GSX1: variants seen among roughly 807,000 people sequenced by gnomAD.
The protein encoded by GSX1 is GS homeo box protein 1.
Under a neutral mutation model 17.7 loss-of-function variants are expected in GSX1, and 13 were observed. That is an observed-to-expected ratio of 0.74 (90% CI 0.48 to 1.17). The LOEUF (loss-of-function observed/expected upper bound fraction) is 1.17, where lower values mean the gene tolerates loss of function less well. Ranked by LOEUF, GSX1 falls within the 50% of genes most tolerant of loss-of-function variation. GSX1 has a pLI of 0.00. For synonymous variants in GSX1, 202 were observed against 176.2 expected, an observed-to-expected ratio of 1.15 and a Z score of -1.16; for missense variants, 371 against 372.1, an observed-to-expected ratio of 1.00 and a Z score of 0.02.
chr13:27,794,271 G>C lies in GSX1; in HGVS notation c.*323G>C. On this transcript the variant is annotated 3_prime_UTR_variant, in exon 2 of 2. Transcript: ENST00000302945. Reference sequence around the variant, plus strand: ...GCGCAGCGCCTTGCTGGCAGCCGGCGCCTCCTAGCCCGCCCTCTCTGGGCT... The same window carrying C: ...GCGCAGCGCCTTGCTGGCAGCCGGCCCCTCCTAGCCCGCCCTCTCTGGGCT... The C allele has an allele frequency of 3.7e-6, 1 of 271,292 alleles. No homozygotes were observed. Among genetic ancestry groups the C allele is most frequent in the East Asian group, 6.6e-5 (1 of 15,116 alleles). The allele number at this position is 271,292 out of a possible 1,614,324, so 16.8% of individuals were successfully genotyped here.
Position 27,794,130 on chromosome 13 carries a change from C to T in GSX1, c.*182C>T, listed in dbSNP as rs1957085697. On this transcript the variant is annotated 3_prime_UTR_variant, in exon 2 of 2. Coordinates refer to ENST00000302945, the MANE Select transcript of GSX1 (RefSeq NM_145657.3). ...GAGCTTGGCAGAGACTGGACCATGGCGTCCCCGCCCCAGGGCTCGCTCGTG... is the reference window on the plus strand; with the variant it reads ...GAGCTTGGCAGAGACTGGACCATGGTGTCCCCGCCCCAGGGCTCGCTCGTG... 1 of 654,978 alleles carries T rather than the reference C, an allele frequency of 1.5e-6. No individual in the cohort carries two copies. The highest frequency in any genetic ancestry group is 2.5e-6 in the Non-Finnish European group (1 of 403,570). 40.6% of individuals were successfully genotyped at this position (654,978 alleles called of 1,614,324 possible).
In GSX1 at chr13:27,793,680, G is replaced by A. The variant is rs764243041; in HGVS notation, c.527G>A (p.Arg176His). 6.2e-7 allele frequency: 1 copy of A among 1,614,194 alleles called. No homozygotes were observed. The highest frequency in any genetic ancestry group is 8.5e-7 in the Non-Finnish European group (1 of 1,180,032). The change falls in exon 2 of 2, where the codon CGT becomes CAT. Residue 176 changes from arginine (R) to histidine (H), a missense_variant. Arg to His is a conservative substitution (Grantham distance 29). Transcript: ENST00000302945. The surrounding 1 kb of genome is among the most constrained non-coding windows in gnomAD (Gnocchi z 6.2). ...FASNMYLSRL[R>H]RIEIATYLNL... ...TCTAATATGTACCTGTCCCGCCTAC[G>A]TCGCATCGAGATCGCGACCTACCTG... is the stretch of plus-strand genomic sequence containing the variant.
At position 27,793,136 on chromosome 13, in the gene GSX1, G is replaced by GACC. The variant is rs1371286951; in HGVS notation, c.412+35_412+36insCCA. 6.7e-7 allele frequency: 1 copy of GACC among 1,483,766 alleles called. No individual in the cohort carries two copies. 91.9% of individuals were successfully genotyped at this position (1,483,766 alleles called of 1,614,324 possible). A position where few individuals can be genotyped will look rare whatever the true frequency, so the allele number is the denominator to read the frequency against. ...GGCCGCCGCGCAGAGGGACCGGGCAGAGGTGATCCGAAGCAGGATGGAGAG... is the reference window on the plus strand; with the variant it reads ...GGCCGCCGCGCAGAGGGACCGGGCAGACCAGGTGATCCGAAGCAGGATGGAGAG... On this transcript the variant is annotated intron_variant, in intron 1 of 1. Transcript: ENST00000302945. This position sits in a 1 kb window ranked among gnomAD's most constrained non-coding sequence, Gnocchi z 6.2.
chr13:27,794,140 C>T lies in GSX1; in HGVS notation c.*192C>T, dbSNP rs1340266520. ...GAGACTGGACCATGGCGTCCCCGCC[C>T]CAGGGCTCGCTCGTGTCCAAAGCCA... On this transcript the variant is annotated 3_prime_UTR_variant, in exon 2 of 2. Coordinates refer to ENST00000302945, the MANE Select transcript of GSX1 (RefSeq NM_145657.3). 1 of 626,828 alleles carries T rather than the reference C, an allele frequency of 1.6e-6. No individual in the cohort carries two copies. Among genetic ancestry groups the T allele is most frequent in the Non-Finnish European group, 2.6e-6 (1 of 378,510 alleles). 38.8% of individuals were successfully genotyped at this position (626,828 alleles called of 1,614,324 possible).
Position 27,793,506 on chromosome 13 carries a change from A to G in GSX1, c.413-60A>G. On this transcript the variant is annotated intron_variant, in intron 1 of 1. Transcript: ENST00000302945. This position sits in a 1 kb window ranked among gnomAD's most constrained non-coding sequence, Gnocchi z 6.2. ...GTAGGATTCTGGCGACCGCCTACCA[A>G]GGGATTGGGTCCACAGCACAGAGGT... is the stretch of plus-strand genomic sequence containing the variant. The G allele has an allele frequency of 6.6e-7, 1 of 1,522,732 alleles. No homozygotes were observed. The highest frequency in any genetic ancestry group is 1.8e-4 in the Middle Eastern group (1 of 5,656). The allele number at this position is 1,522,732 out of a possible 1,614,324, so 94.3% of individuals were successfully genotyped here.
At position 27,793,132 on chromosome 13, in the gene GSX1, G is replaced by A; in HGVS notation, c.412+30G>A. ...GCGGGGCCGCCGCGCAGAGGGACCGGGCAGAGGTGATCCGAAGCAGGATGG... is the reference window on the plus strand; with the variant it reads ...GCGGGGCCGCCGCGCAGAGGGACCGAGCAGAGGTGATCCGAAGCAGGATGG... On this transcript the variant is annotated intron_variant, in intron 1 of 1. Coordinates refer to ENST00000302945, the MANE Select transcript of GSX1 (RefSeq NM_145657.3). The surrounding 1 kb of genome is among the most constrained non-coding windows in gnomAD (Gnocchi z 6.2). 2 of 1,495,650 alleles carry A rather than the reference G, an allele frequency of 1.3e-6. No individual in the cohort carries two copies. The highest frequency in any genetic ancestry group is 1.3e-5 in the South Asian group (1 of 75,190). The allele number at this position is 1,495,650 out of a possible 1,614,324, so 92.6% of individuals were successfully genotyped here.
Position 27,792,776 on chromosome 13 carries a change from T to C in GSX1, c.86T>C (p.Phe29Ser). ...KAPEGSPPPLFPYAVPPPHAL... is the reference protein window; with the variant it reads ...KAPEGSPPPLSPYAVPPPHAL... The stretch of plus-strand genomic sequence containing the variant: ...CCCGAGGGCAGCCCGCCGCCGCTCT[T>C]CCCCTACGCTGTGCCCCCGCCGCAC... Residue 29 changes from phenylalanine to serine, a missense_variant, in exon 1 of 2, where the codon TTC becomes TCC. Transcript: ENST00000302945. 6.7e-7 allele frequency: 1 copy of C among 1,491,904 alleles called. No homozygotes were observed. The allele number at this position is 1,491,904 out of a possible 1,614,324, so 92.4% of individuals were successfully genotyped here.
rs1218921768 is a variant in GSX1 at position 27,794,280 on chromosome 13, C to T, written c.*332C>T. On this transcript the variant is annotated 3_prime_UTR_variant, in exon 2 of 2. Transcript: ENST00000302945. ...CTTGCTGGCAGCCGGCGCCTCCTAG[C>T]CCGCCCTCTCTGGGCTGGCTTGGGC... is the stretch of plus-strand genomic sequence containing the variant. 1.2e-5 allele frequency: 3 copies of T among 257,306 alleles called. No individual in the cohort carries two copies. Among genetic ancestry groups the T allele is most frequent in the Non-Finnish European group, 2.2e-5 (3 of 136,612 alleles). 15.9% of individuals were successfully genotyped at this position (257,306 alleles called of 1,614,324 possible).
chr13:27,792,789 GC>G lies in GSX1; in HGVS notation c.104del (p.Pro35ArgfsTer126). 1.3e-6 allele frequency: 2 copies of G among 1,500,394 alleles called. No individual in the cohort carries two copies. Among genetic ancestry groups the G allele is most frequent in the East Asian group, 2.7e-5 (1 of 36,462 alleles). The allele number at this position is 1,500,394 out of a possible 1,614,324, so 92.9% of individuals were successfully genotyped here. A position where few individuals can be genotyped will look rare whatever the true frequency, so the allele number is the denominator to read the frequency against. On this transcript the variant is annotated frameshift_variant, in exon 1 of 2. Transcript: ENST00000302945. LOFTEE classifies it high-confidence loss of function. ...CGCCGCCGCTCTTCCCCTACGCTGT[GC>G]CCCCGCCGCACGCGCTGCACGGTCT... ...SPPPLFPYAVPPPHALHGLSP... is the reference protein window; with the variant it reads ...SPPPLFPYAVXPPHALHGLSP...
Position 27,793,153 on chromosome 13 carries a change from G to A in GSX1, c.412+51G>A, listed in dbSNP as rs747071503. On this transcript the variant is annotated intron_variant, in intron 1 of 1. Transcript: ENST00000302945. The surrounding 1 kb of genome is among the most constrained non-coding windows in gnomAD (Gnocchi z 6.2). ...ACCGGGCAGAGGTGATCCGAAGCAG[G>A]ATGGAGAGCCAGAGATGGAGGAAGA... The A allele has an allele frequency of 6.9e-7, 1 of 1,447,522 alleles. No individual in the cohort carries two copies. Among genetic ancestry groups the A allele is most frequent in the Middle Eastern group, 1.9e-4 (1 of 5,228 alleles). 89.7% of individuals were successfully genotyped at this position (1,447,522 alleles called of 1,614,324 possible).
Position 27,792,515 on chromosome 13 carries a change from T to A in GSX1, c.-176T>A. 1 of 560,730 alleles carries A rather than the reference T, an allele frequency of 1.8e-6. No homozygotes were observed. Among genetic ancestry groups the A allele is most frequent in the Non-Finnish European group, 2.8e-6 (1 of 356,356 alleles). 34.7% of individuals were successfully genotyped at this position (560,730 alleles called of 1,614,324 possible). ...GCGCTGGCCAGCACCCCGCGCTCTT[T>A]GGGCGGTGCCCACGGCAGCAGAGGC... On this transcript the variant is annotated 5_prime_UTR_variant, in exon 1 of 2. Coordinates refer to ENST00000302945, the MANE Select transcript of GSX1 (RefSeq NM_145657.3).
rs750984675 is a variant in GSX1 at position 27,793,019 on chromosome 13, C to G, written c.329C>G (p.Pro110Arg). 6.3e-7 allele frequency: 1 copy of G among 1,579,276 alleles called. No homozygotes were observed. The highest frequency in any genetic ancestry group is 8.5e-7 in the Non-Finnish European group (1 of 1,170,510). Residue 110 changes from proline to arginine, a missense_variant, in exon 1 of 2, where the codon CCG (proline) becomes CGG (arginine). Physicochemically the swap from Pro to Arg is moderately radical, Grantham distance 103. Transcript: ENST00000302945. The surrounding 1 kb of genome is among the most constrained non-coding windows in gnomAD (Gnocchi z 6.2). ...GTGTCGCCCGGGGTCGCTCACGGCC[C>G]GGCCGCCGCTGCTGCTGCCGCCGCG... ...SAVSPGVAHG[P>R]AAAAAAAALY...
At position 27,793,200 on chromosome 13, in the gene GSX1, G is replaced by T. The variant is rs563634463; in HGVS notation, c.412+98G>T. 1 of 1,313,214 alleles carries T rather than the reference G, an allele frequency of 7.6e-7. No homozygotes were observed. Among genetic ancestry groups the T allele is most frequent in the Non-Finnish European group, 1.0e-6 (1 of 993,206 alleles). 81.3% of individuals were successfully genotyped at this position (1,313,214 alleles called of 1,614,324 possible). ...AAGAGGGACCCTGGGCTTTCTGGGG[G>T]CGGTGAGGGTCATGTCGGGGACTAA... On this transcript the variant is annotated intron_variant, in intron 1 of 1. Transcript: ENST00000302945. The surrounding 1 kb of genome is among the most constrained non-coding windows in gnomAD (Gnocchi z 6.2).
Position 27,792,839 on chromosome 13 carries a change from G to A in GSX1, c.149G>A (p.Arg50His), listed in dbSNP as rs1162980689. 6.6e-7 allele frequency: 1 copy of A among 1,508,460 alleles called. No homozygotes were observed. Among genetic ancestry groups the A allele is most frequent in the Non-Finnish European group, 8.8e-7 (1 of 1,136,000 alleles). The allele number at this position is 1,508,460 out of a possible 1,614,324, so 93.4% of individuals were successfully genotyped here. Residue 50 changes from arginine (R) to histidine (H), a missense_variant, in exon 1 of 2, where the codon CGC becomes CAC. This residue lies in a region of GSX1 where 212 missense variants were observed against 193.9 expected (regional missense o/e 1.09). Coordinates refer to ENST00000302945, the MANE Select transcript of GSX1 (RefSeq NM_145657.3). ...HGLSPGACHA[R>H]KAGLLCVCPL... is the part of the protein sequence containing the mutation. ...CTCTCGCCTGGCGCCTGCCACGCGCGCAAGGCTGGGCTGCTGTGCGTGTGC... is the reference window on the plus strand; with the variant it reads ...CTCTCGCCTGGCGCCTGCCACGCGCACAAGGCTGGGCTGCTGTGCGTGTGC...
chr13:27,792,746 A>G lies in GSX1; in HGVS notation c.56A>G (p.Lys19Arg). ...SLVLREAGEK[K>R]APEGSPPPLF... ...GTGCTGCGCGAGGCGGGCGAGAAGA[A>G]GGCGCCCGAGGGCAGCCCGCCGCCG... The change falls in exon 1 of 2, where the codon AAG (lysine) becomes AGG (arginine). Residue 19 changes from lysine to arginine, a missense_variant. By Grantham distance (26) the Lys-to-Arg change is conservative. Coordinates refer to ENST00000302945, the MANE Select transcript of GSX1 (RefSeq NM_145657.3). 1 of 1,482,984 alleles carries G rather than the reference A, an allele frequency of 6.7e-7. No homozygotes were observed. The highest frequency in any genetic ancestry group is 8.9e-7 in the Non-Finnish European group (1 of 1,125,266). 91.9% of individuals were successfully genotyped at this position (1,482,984 alleles called of 1,614,324 possible).
Position 27,794,607 on chromosome 13 carries a change from A to T in GSX1, c.*659A>T, listed in dbSNP as rs908514266. 2.0e-5 allele frequency: 3 copies of T among 151,450 alleles called. No individual in the cohort carries two copies. Among genetic ancestry groups the T allele is most frequent in the African/African-American group, 7.3e-5 (3 of 41,146 alleles). The allele number at this position is 151,450 out of a possible 1,614,324, so 9.4% of individuals were successfully genotyped here. ...ACAGATGATAAATTTCGCCCGTAGT[A>T]TCCATATTGGGGAAACAGATTTGCT... On this transcript the variant is annotated 3_prime_UTR_variant, in exon 2 of 2. Transcript: ENST00000302945.
In GSX1 at chr13:27,793,604, C is replaced by G; in HGVS notation, c.451C>G (p.Arg151Gly). The G allele has an allele frequency of 6.2e-7, 1 of 1,613,726 alleles. No homozygotes were observed. Among genetic ancestry groups the G allele is most frequent in the Non-Finnish European group, 8.5e-7 (1 of 1,179,932 alleles). The stretch of plus-strand genomic sequence containing the variant: ...CCAGCTGCCCAGCAGCAAGAGGATG[C>G]GCACGGCTTTCACCAGCACGCAGCT... Reference protein sequence around the residue: ...SNQLPSSKRMRTAFTSTQLLE... With the variant: ...SNQLPSSKRMGTAFTSTQLLE... The change falls in exon 2 of 2, where the codon CGC (arginine) becomes GGC (glycine). Residue 151 changes from arginine (R) to glycine (G), a missense_variant. By Grantham distance (125) the Arg-to-Gly change is moderately radical (BLOSUM62 -2). This residue lies in a region of GSX1 where 67 missense variants were observed against 108.1 expected (regional missense o/e 0.62). Transcript: ENST00000302945. The surrounding 1 kb of genome is among the most constrained non-coding windows in gnomAD (Gnocchi z 6.2).
chr13:27,794,233 G>T lies in GSX1; in HGVS notation c.*285G>T, dbSNP rs1331446178. On this transcript the variant is annotated 3_prime_UTR_variant, in exon 2 of 2. Coordinates refer to ENST00000302945, the MANE Select transcript of GSX1 (RefSeq NM_145657.3). ...CAGTGCAGCACCGCGGCCCCCGCCC[G>T]CAAGCCTGCTTGGCGCAGCGCCTTG... 6 of 337,282 alleles carry T rather than the reference G, an allele frequency of 1.8e-5. No homozygotes were observed. In the Admixed American group the frequency reaches 1.8e-4, roughly 10 times the overall value. 20.9% of individuals were successfully genotyped at this position (337,282 alleles called of 1,614,324 possible).
chr13:27,794,217 ACCGCGGCCCCCGC>A lies in GSX1; in HGVS notation c.*274_*286del. 1 of 375,988 alleles carries A rather than the reference ACCGCGGCCCCCGC, an allele frequency of 2.7e-6. No individual in the cohort carries two copies. Among genetic ancestry groups the A allele is most frequent in the Non-Finnish European group, 4.7e-6 (1 of 211,746 alleles). 23.3% of individuals were successfully genotyped at this position (375,988 alleles called of 1,614,324 possible). A position where few individuals can be genotyped will look rare whatever the true frequency, so the allele number is the denominator to read the frequency against. ...CTCGAGTCCTCCTGGGCAGTGCAGC[ACCGCGGCCCCCGC>A]CCGCAAGCCTGCTTGGCGCAGCGCC... is the stretch of plus-strand genomic sequence containing the variant. On this transcript the variant is annotated 3_prime_UTR_variant, in exon 2 of 2. Transcript: ENST00000302945.
Sources: allele counts gnomAD v4.1 joint callset, GRCh38; gene constraint gnomAD v4.1.1; regional missense constraint gnomAD v4.1.1; non-coding constraint Gnocchi (gnomAD v3.1); transcripts MANE v1.5; gene names NCBI Gene and HGNC (gene_info 2026-07-23, HGNC 2026-07-21).